Variants in PARP9 observed in about 807,000 individuals in gnomAD.
The protein encoded by PARP9 is protein mono-ADP-ribosyltransferase PARP9.
Under a neutral mutation model 68.8 loss-of-function variants are expected in PARP9, and 48 were observed. The ratio of observed to expected loss-of-function variants is 0.70; its 90% CI spans 0.55 to 0.89. PARP9 has a LOEUF of 0.89. Among genes scored for constraint, PARP9 ranks in the 40% least tolerant of loss-of-function variants. The probability of loss-of-function intolerance (pLI) is 0.00; values close to 1 mark genes in which losing one functional copy is unlikely to be tolerated. For synonymous variants in PARP9, 309 were observed against 333.8 expected (o/e 0.93, Z 0.81); for missense variants, 806 against 969.3 (o/e 0.83, Z 2.24).
In PARP9 at chr3:122,550,641, T is replaced by C; in HGVS notation, c.1269A>G (p.Val423=). 1.9e-6 allele frequency: 3 copies of C among 1,613,994 alleles called. No individual in the cohort carries two copies. The highest frequency in any genetic ancestry group is 2.5e-6 in the Non-Finnish European group (3 of 1,180,020). ...CAAATTTTACAGTTAACTGGTGTTT[T>C]ACATGGTCTTTGGCAAATGTTAAAA... The part of the protein sequence containing the change: ...DEVLTFAKDH[V]KHQLTVKFVI... The change falls in exon 6 of 11, where the codon GTA becomes GTG. Residue 423 remains valine, a synonymous_variant. Coordinates refer to ENST00000682323, the MANE Select transcript of PARP9 (RefSeq NM_001146105.2).
At chr3:122,533,677 G>A (rs2077454581) in intron 10 of PARP9, 2 of 984,922 alleles carry the variant, frequency 2.0e-6, no homozygotes, top group South Asian at 9.4e-5. Context: ...ATAAATACCT[G>A]TGGAACAAAT....
chr3:122,545,466 C>G lies in PARP9; in HGVS notation c.1350G>C (p.Lys450Asn). Residue 450 changes from lysine (K) to asparagine (N), a missense_variant, in exon 7 of 11, where the codon AAG becomes AAC. By Grantham distance (94) the Lys-to-Asn change is moderately conservative. This residue lies in a region of PARP9 where 680 missense variants were observed against 858.8 expected (regional missense o/e 0.79). Transcript: ENST00000682323. ...IYKAFSSEMA[K>N]RSKMLSLNNY... is the part of the protein sequence containing the mutation. The stretch of plus-strand genomic sequence containing the variant: ...TGTTCAAACTCAGCATCTTGGACCT[C>G]TTTGCCATTTCAGAACTGAAAGCCT... The G allele has an allele frequency of 2.5e-6, 4 of 1,614,224 alleles. No individual in the cohort carries two copies. The highest frequency in any genetic ancestry group is 3.4e-6 in the Non-Finnish European group (4 of 1,180,040).
At chr3:122,539,129 C>T (rs558116154) in intron 8 of PARP9, among the ~76,000 whole-genome samples, 50 of 152,280 alleles carry the variant, frequency 3.3e-4, no homozygotes, top group African/African-American at 1.2e-3. Flanking sequence ...ACTCTCTGTA[C>T]TCTTTCACGT....
Position 122,528,584 on chromosome 3 carries a change from G to C in PARP9, c.2240C>G (p.Pro747Arg). The change falls in exon 11 of 11, where the codon CCA becomes CGA. Residue 747 changes from proline (P) to arginine (R), a missense_variant. Coordinates refer to ENST00000682323, the MANE Select transcript of PARP9 (RefSeq NM_001146105.2). Reference sequence around the variant, plus strand: ...ATCTATAGCTCCAGGACTCAGTGGTGGGGGAACAATATTTAACGGATGTCC... The same window carrying C: ...ATCTATAGCTCCAGGACTCAGTGGTCGGGGAACAATATTTAACGGATGTCC... ...CQGHPLNIVP[P>R]PLSPGAIDGH... 1 of 1,614,102 alleles carries C rather than the reference G, an allele frequency of 6.2e-7. No homozygotes were observed. The highest frequency in any genetic ancestry group is 8.5e-7 in the Non-Finnish European group (1 of 1,180,028).
intron 10 of PARP9, chr3:122,535,176 A>AT (rs1273625395): frequency 2.3e-5 from 23 of 985,278 alleles, no homozygotes; most frequent in Non-Finnish European, 2.7e-5. Flanking sequence ...GAAATTATAG[A>AT]TTTTTTAAGA....
intron 1 of PARP9, 32 bp downstream of exon 1, chr3:122,564,213 C>A: frequency 1.8e-6 from 1 of 548,686 alleles, no homozygotes; most frequent in Non-Finnish European, 3.1e-6. Flanking sequence ...GAGAGGGGAC[C>A]CCGAGGGCCC....
intron 4 of PARP9, among the ~76,000 whole-genome samples, chr3:122,553,038 G>A (rs373574593): frequency 2.0e-4 from 31 of 151,968 alleles, no homozygotes; most frequent in African/African-American, 7.0e-4. Flanking sequence ...GTTTTGTCTC[G>A]TTTTAAATAG....
At chr3:122,549,409 C>A (rs2079012287) in intron 6 of PARP9, among the ~76,000 whole-genome samples, 1 of 152,146 alleles carries the variant, frequency 6.6e-6, no homozygotes, top group African/African-American at 2.4e-5. Context: ...GATAAGTAAA[C>A]TAACTTGCCC....
chr3:122,563,581 A>G (rs913414741), intron 1 of PARP9, among the ~76,000 whole-genome samples: 2 of 152,122 alleles, frequency 1.3e-5, no homozygotes, highest in Non-Finnish European at 1.5e-5. Flanking sequence ...TTTCTGCTGG[A>G]CAGTGCCCAT....
At chr3:122,531,755 C>T (rs2077320817) in intron 10 of PARP9, 1 of 151,534 alleles carries the variant, frequency 6.6e-6, no homozygotes, top group African/African-American at 2.4e-5. Flanking sequence ...AGCTAAAAAC[C>T]AGAAGGATTC....
intron 7 of PARP9, among the ~76,000 whole-genome samples, chr3:122,544,569 C>T (rs1396592781): frequency 6.6e-6 from 1 of 152,126 alleles, no homozygotes; most frequent in Non-Finnish European, 1.5e-5. Flanking sequence ...GTAATCCCAA[C>T]ATTTTCGGAG....
In PARP9 at chr3:122,556,135, GAAGATTAAAAAA is replaced by G; in HGVS notation, c.50-26_50-15del. The G allele has an allele frequency of 1.4e-5, 2 of 145,232 alleles. No individual in the cohort carries two copies. The highest frequency in any genetic ancestry group is 1.2e-4 in the South Asian group (1 of 8,388). The allele number at this position is 145,232 out of a possible 1,614,324, so 9.0% of individuals were successfully genotyped here. ...GAGCACCAGTCTCTGGAAAAGAAGAGAAGATTAAAAAAAAAAAAAAAAAAAAAAAAAAAAAAA... is the reference window on the plus strand; with the variant it reads ...GAGCACCAGTCTCTGGAAAAGAAGAGAAAAAAAAAAAAAAAAAAAAAAAAA... On this transcript the variant is annotated splice_polypyrimidine_tract_variant and intron_variant, in intron 3 of 10. Coordinates refer to ENST00000682323, the MANE Select transcript of PARP9 (RefSeq NM_001146105.2).
intron 2 of PARP9, among the ~76,000 whole-genome samples, chr3:122,559,180 A>G (rs1331180919): frequency 2.0e-5 from 3 of 152,232 alleles, no homozygotes; most frequent in African/African-American, 7.2e-5. Context: ...CATGAGCCTC[A>G]TCAGCTCTGT....
chr3:122,561,457 C>CAA (rs77611825), intron 1 of PARP9, among the ~76,000 whole-genome samples: 5 of 151,546 alleles, frequency 3.3e-5, no homozygotes, highest in South Asian at 2.1e-4. Context: ...GACCCTGTCT[C>CAA]AAAAAAAAGA....
At chr3:122,540,020 A>T (rs2078071560) in intron 8 of PARP9, among the ~76,000 whole-genome samples, 1 of 152,240 alleles carries the variant, frequency 6.6e-6, no homozygotes, top group Non-Finnish European at 1.5e-5. Context: ...GTATAACTTC[A>T]TTGGCGAGAG....
chr3:122,548,687 A>G (rs2078954875), intron 6 of PARP9, among the ~76,000 whole-genome samples: 1 of 152,166 alleles, frequency 6.6e-6, no homozygotes, highest in African/African-American at 2.4e-5. Context: ...CCAAACAAAA[A>G]GCTGAGATGA....
At chr3:122,542,600 C>T (rs1016370218) in intron 7 of PARP9, among the ~76,000 whole-genome samples, 1 of 151,814 alleles carries the variant, frequency 6.6e-6, no homozygotes, top group Non-Finnish European at 1.5e-5. Flanking sequence ...CTGCTGCAGC[C>T]TCCCGAGTAG....
At position 122,555,524 on chromosome 3, in the gene PARP9, C is replaced by T. The variant is rs759951160; in HGVS notation, c.647G>A (p.Cys216Tyr). Residue 216 changes from cysteine (C) to tyrosine (Y), a missense_variant, in exon 4 of 11, where the codon TGT (cysteine) becomes TAT (tyrosine). Coordinates refer to ENST00000682323, the MANE Select transcript of PARP9 (RefSeq NM_001146105.2). ...GATAGTCTCTACAATAGTCTTTGTACACAAATTCAGAGGGAACTGAAAAAT... is the reference window on the plus strand; with the variant it reads ...GATAGTCTCTACAATAGTCTTTGTATACAAATTCAGAGGGAACTGAAAAAT... Reference protein sequence around the residue: ...SGIFQFPLNLCTKTIVETIRV... With the variant: ...SGIFQFPLNLYTKTIVETIRV... The T allele has an allele frequency of 6.2e-7, 1 of 1,614,158 alleles. No individual in the cohort carries two copies. The highest frequency in any genetic ancestry group is 8.5e-7 in the Non-Finnish European group (1 of 1,180,024).
At chr3:122,563,129 G>A (rs947682190) in intron 1 of PARP9, among the ~76,000 whole-genome samples, 4 of 152,248 alleles carry the variant, frequency 2.6e-5, no homozygotes, top group Admixed American at 6.5e-5. Flanking sequence ...TCCTCCACAC[G>A]GTTGTCAGCA....
Sources: gnomAD v4.1 joint callset for allele counts (sites outside exome capture counted in the v4.1 genomes callset) on GRCh38, gnomAD v4.1.1 for gene constraint, gnomAD v4.1.1 regional missense constraint, MANE v1.5 for transcripts, NCBI Gene and HGNC (gene_info 2026-07-23, HGNC 2026-07-21) for gene names.